The following MAMDC2 variants were observed in gnomAD, a reference collection of about 807,000 sequenced individuals.
MAMDC2 encodes MAM domain containing 2.
MAMDC2 carries 57 observed loss-of-function variants against 89.8 expected under a neutral mutation model. The ratio of observed to expected loss-of-function variants is 0.63; its 90% confidence interval spans 0.51 to 0.79. MAMDC2 has a LOEUF of 0.79. Among genes scored for constraint, MAMDC2 ranks in the 30% least tolerant of loss-of-function variants. The pLI is 0.00. For synonymous variants in MAMDC2, 313 were observed against 293.4 expected, an observed-to-expected ratio of 1.07 and a Z score of -0.68; for missense variants, 800 against 820.6, an observed-to-expected ratio of 0.97 and a Z score of 0.31.
In MAMDC2 at chr9:70,068,916, G is replaced by A. The variant is rs564162420; in HGVS notation, c.148+24219G>A. On this transcript the variant is annotated intron_variant, in intron 2 of 13. Transcript: ENST00000377182. Reference sequence around the variant, plus strand: ...TAGACATTACAATGCTGTAATGAATGGGTATGATTTAAAAGTTAGGTAAAG... The same window carrying A: ...TAGACATTACAATGCTGTAATGAATAGGTATGATTTAAAAGTTAGGTAAAG... Among the ~76,000 whole-genome samples, 12 of 152,228 alleles carry A rather than the reference G, an allele frequency of 7.9e-5. No homozygotes were observed. In the South Asian group the frequency reaches 2.5e-3, roughly 32 times the overall value.
At chr9:70,181,069 T>G (rs1484471875) in intron 11 of MAMDC2, among the ~76,000 whole-genome samples, 2 of 152,240 alleles carry the variant, frequency 1.3e-5, no homozygotes, top group African/African-American at 4.8e-5. Flanking sequence ...TTTCTGCATA[T>G]GGCTAGCCAG....
chr9:70,209,613 G>T (rs535903699), intron 11 of MAMDC2, among the ~76,000 whole-genome samples: 2 of 151,964 alleles, frequency 1.3e-5, no homozygotes, highest in East Asian at 3.9e-4. Flanking sequence ...TTTTTGAAGG[G>T]TCTTTCGTAT....
chr9:70,101,040 A>C (rs1828176429), intron 2 of MAMDC2, among the ~76,000 whole-genome samples: 1 of 152,232 alleles, frequency 6.6e-6, no homozygotes, highest in Admixed American at 6.5e-5. Flanking sequence ...GTCCCATAAC[A>C]TAATAAAACT....
At chr9:70,062,088 C>A (rs934602446) in intron 2 of MAMDC2, among the ~76,000 whole-genome samples, 1 of 152,176 alleles carries the variant, frequency 6.6e-6, no homozygotes, top group Non-Finnish European at 1.5e-5. Flanking sequence ...GTTTTCTTAA[C>A]AGAAGTTTAA....
chr9:70,222,102 A>G (rs1320218520), intron 12 of MAMDC2, among the ~76,000 whole-genome samples: 4 of 152,186 alleles, frequency 2.6e-5, no homozygotes, highest in African/African-American at 4.8e-5. Context: ...ATGTCATCAG[A>G]AGCCCACGAG....
At chr9:70,136,649 G>A (rs1027933031) in intron 7 of MAMDC2, among the ~76,000 whole-genome samples, 4 of 152,178 alleles carry the variant, frequency 2.6e-5, no homozygotes, top group African/African-American at 9.7e-5. Context: ...AAAAAAGGAG[G>A]AAGGGGGAAG....
At chr9:70,216,164 G>T (rs2033441900) in intron 11 of MAMDC2, 1 of 152,062 alleles carries the variant, frequency 6.6e-6, no homozygotes, top group Non-Finnish European at 1.5e-5. Context: ...ATGATACTTT[G>T]TAAAGATTAC....
At chr9:70,083,981 C>T (rs1378657975) in intron 2 of MAMDC2, among the ~76,000 whole-genome samples, 1 of 152,026 alleles carries the variant, frequency 6.6e-6, no homozygotes, top group Non-Finnish European at 1.5e-5. Flanking sequence ...GTTAGTTAGC[C>T]TCAATGTCTT....
At chr9:70,057,114 C>T (rs1401349554) in intron 2 of MAMDC2, among the ~76,000 whole-genome samples, 1 of 152,152 alleles carries the variant, frequency 6.6e-6, no homozygotes, top group Non-Finnish European at 1.5e-5. Context: ...AGCATCTTCC[C>T]ACCCCCTGGT....
At chr9:70,121,560 C>T (rs1033410820) in intron 5 of MAMDC2, among the ~76,000 whole-genome samples, 1 of 152,078 alleles carries the variant, frequency 6.6e-6, no homozygotes, top group African/African-American at 2.4e-5. Flanking sequence ...CCCATTTCCC[C>T]CATATAACCT....
intron 11 of MAMDC2, among the ~76,000 whole-genome samples, chr9:70,208,827 A>G (rs538312730): frequency 6.6e-6 from 1 of 152,266 alleles, no homozygotes; most frequent in Non-Finnish European, 1.5e-5. Flanking sequence ...TTTATTAAGA[A>G]TTTTTAGCAT....
intron 11 of MAMDC2, among the ~76,000 whole-genome samples, chr9:70,197,680 A>G (rs1481984127): frequency 1.3e-5 from 2 of 152,254 alleles, no homozygotes; most frequent in African/African-American, 4.8e-5. Flanking sequence ...GAAAGAGACA[A>G]TAACATTCTA....
intron 2 of MAMDC2, among the ~76,000 whole-genome samples, chr9:70,099,980 A>AAGAGAG (rs60292765): frequency 0.12 from 13,281 of 115,128 alleles, 1,133 homozygotes; most frequent in Non-Finnish European, 0.15. Flanking sequence ...GCCAAAAAGA[A>AAGAGAG]AGAGAGAGAG....
chr9:70,060,646 A>G (rs1018027771), intron 2 of MAMDC2: 1 of 152,172 alleles, frequency 6.6e-6, no homozygotes, highest in African/African-American at 2.4e-5. Context: ...ACATGCAGAT[A>G]CTAAATTCCA....
At chr9:70,116,303 A>T (rs1029987014) in intron 5 of MAMDC2, among the ~76,000 whole-genome samples, 1 of 152,168 alleles carries the variant, frequency 6.6e-6, no homozygotes. Context: ...TGCTTGTGTT[A>T]CCTGAGTGCA....
At chr9:70,192,896 A>G (rs2032910135) in intron 11 of MAMDC2, among the ~76,000 whole-genome samples, 1 of 152,058 alleles carries the variant, frequency 6.6e-6, no homozygotes, top group African/African-American at 2.4e-5. Context: ...ATCAAGGGCG[A>G]GGGAGGTTCT....
chr9:70,202,437 G>A (rs1284755509), intron 11 of MAMDC2, among the ~76,000 whole-genome samples: 1 of 151,554 alleles, frequency 6.6e-6, no homozygotes, highest in Non-Finnish European at 1.5e-5. Flanking sequence ...TATAATGTCT[G>A]TTCTTTTACA....
chr9:70,175,165 G>A (rs1279222618), intron 11 of MAMDC2, among the ~76,000 whole-genome samples: 1 of 152,212 alleles, frequency 6.6e-6, no homozygotes, highest in Non-Finnish European at 1.5e-5. Flanking sequence ...AATGAAGCAA[G>A]GGTGAAATCA....
chr9:70,044,110 C>T lies in MAMDC2; in HGVS notation c.-88C>T. The T allele has an allele frequency of 6.5e-7, 1 of 1,529,354 alleles. No homozygotes were observed. Among genetic ancestry groups the T allele is most frequent in the Non-Finnish European group, 9.0e-7 (1 of 1,108,758 alleles). The allele number at this position is 1,529,354 out of a possible 1,614,324, so 94.7% of individuals were successfully genotyped here. A position where few individuals can be genotyped will look rare whatever the true frequency, so the allele number is the denominator to read the frequency against. On this transcript the variant is annotated 5_prime_UTR_variant, in exon 1 of 14. Coordinates refer to ENST00000377182, the MANE Select transcript of MAMDC2 (RefSeq NM_153267.5). ...CTCCTTGGGTCCCCGGCGCCCCCGC[C>T]TCCCACGATCCCTTTCACTAGGAGC...
Sources: allele counts gnomAD v4.1 joint callset (sites outside exome capture counted in the v4.1 genomes callset), GRCh38; gene constraint gnomAD v4.1.1; transcripts MANE v1.5; gene names NCBI Gene and HGNC (gene_info 2026-07-23, HGNC 2026-07-21).